The following SKAP1 variants were observed in gnomAD, a reference collection of about 807,000 sequenced individuals.
The protein encoded by SKAP1 is src kinase associated phosphoprotein 1.
SKAP1 carries 44 observed loss-of-function variants against 58.5 expected under a neutral mutation model. The observed-to-expected ratio is 0.75, with a 90% CI of 0.59 to 0.97. The LOEUF is 0.97. SKAP1 is among the 50% of genes least tolerant of loss of function. The pLI is 0.00. For missense variants in SKAP1, 390 were observed against 435.2 expected, an observed-to-expected ratio of 0.90 and a Z score of 0.92; for synonymous variants, 127 against 149.7, an observed-to-expected ratio of 0.85 and a Z score of 1.11.
intron 4 of SKAP1, among the ~76,000 whole-genome samples, chr17:48,280,817 G>T (rs2065757673): frequency 6.6e-6 from 1 of 152,018 alleles, no homozygotes; most frequent in South Asian, 2.1e-4. Context: ...AAACCTTTAA[G>T]ATTCATCCAT....
chr17:48,420,371 T>G (rs2067779114), intron 1 of SKAP1, among the ~76,000 whole-genome samples: 2 of 152,148 alleles, frequency 1.3e-5, no homozygotes, highest in Non-Finnish European at 1.5e-5. Context: ...GAACTGTCAT[T>G]GTTTGGGAAA....
intron 4 of SKAP1, among the ~76,000 whole-genome samples, chr17:48,213,198 C>T (rs532776966): frequency 6.6e-6 from 1 of 151,880 alleles, no homozygotes; most frequent in Non-Finnish European, 1.5e-5. Context: ...AAAAATTAGC[C>T]GGGTGTGGTG....
intron 4 of SKAP1, among the ~76,000 whole-genome samples, chr17:48,252,201 A>G (rs1043606542): frequency 1.3e-5 from 2 of 151,436 alleles, no homozygotes; most frequent in African/African-American, 4.8e-5. Flanking sequence ...TTGAGTAAAT[A>G]ATATATGTAA....
At chr17:48,162,635 G>T in intron 10 of SKAP1, 66 bp from the exon 11 acceptor site, 2 of 1,215,154 alleles carry the variant, frequency 1.6e-6, no homozygotes, top group Non-Finnish European at 2.4e-6. Flanking sequence ...CCATGTTTTT[G>T]CTGCAAATGG....
chr17:48,365,570 G>A (rs1312850383), intron 2 of SKAP1, among the ~76,000 whole-genome samples: 7 of 152,004 alleles, frequency 4.6e-5, no homozygotes, highest in Admixed American at 3.3e-4. Context: ...CCTGTTTCCC[G>A]TCACATCACA....
chr17:48,324,580 T>C lies in SKAP1; in HGVS notation c.280+21325A>G, dbSNP rs868443064. Among the ~76,000 whole-genome samples the C allele has an allele frequency of 5.9e-5, 9 of 152,214 alleles. No homozygotes were observed. The East Asian group carries it at 1.2e-3, about 20-fold the overall frequency. On this transcript the variant is annotated intron_variant, in intron 4 of 12. Coordinates refer to ENST00000336915, the MANE Select transcript of SKAP1 (RefSeq NM_003726.4). ...TAATTTTTTCACTTAACAATTAACA[T>C]CTTTCCATAGTCATTATATAAATAT...
chr17:48,353,229 A>C (rs1181376952), intron 3 of SKAP1, among the ~76,000 whole-genome samples: 2 of 152,290 alleles, frequency 1.3e-5, no homozygotes, highest in East Asian at 3.9e-4. Flanking sequence ...GCTTAGTGAA[A>C]TCAATATACT....
At chr17:48,231,159 C>A (rs2065121838) in intron 4 of SKAP1, among the ~76,000 whole-genome samples, 1 of 152,126 alleles carries the variant, frequency 6.6e-6, no homozygotes, top group Non-Finnish European at 1.5e-5. Flanking sequence ...ACCTGGGCAC[C>A]TTAAAGATAC....
chr17:48,153,813 C>T lies in SKAP1; in HGVS notation c.978+8656G>A, dbSNP rs2063934627. 2.0e-5 allele frequency among the ~76,000 whole-genome samples: 3 copies of T among 150,274 alleles called. No individual in the cohort carries two copies. In the South Asian group the frequency reaches 6.3e-4, roughly 32 times the overall value. On this transcript the variant is annotated intron_variant, in intron 11 of 12. Coordinates refer to ENST00000336915, the MANE Select transcript of SKAP1 (RefSeq NM_003726.4). ...CCCCACCCATCCCCCACTCAGCCAA[C>T]CAGAGGGTATGGTGCCTGAGGAAGT... is the stretch of plus-strand genomic sequence containing the variant.
At chr17:48,176,292 T>C (rs918880968) in intron 9 of SKAP1, among the ~76,000 whole-genome samples, 8 of 152,340 alleles carry the variant, frequency 5.3e-5, no homozygotes, top group Non-Finnish European at 1.0e-4. Context: ...CCATTGCAGC[T>C]GCTACAAGGC....
At chr17:48,138,366 G>C (rs1043074947) in intron 11 of SKAP1, among the ~76,000 whole-genome samples, 20 of 150,832 alleles carry the variant, frequency 1.3e-4, no homozygotes, top group Admixed American at 1.3e-4. Context: ...CATCACACCC[G>C]GCTATTTTTT....
At chr17:48,365,020 G>T (rs1377768911) in intron 2 of SKAP1, among the ~76,000 whole-genome samples, 1 of 151,928 alleles carries the variant, frequency 6.6e-6, no homozygotes, top group Non-Finnish European at 1.5e-5. Flanking sequence ...TGTAGCTGGG[G>T]CCACAGGCAC....
intron 4 of SKAP1, among the ~76,000 whole-genome samples, chr17:48,312,757 T>C (rs2144184941): frequency 6.6e-6 from 1 of 152,274 alleles, no homozygotes; most frequent in African/African-American, 2.4e-5. Flanking sequence ...CAAACAACTT[T>C]CTTAGCTGTC....
chr17:48,433,581 A>C (rs1399244861), upstream of SKAP1, among the ~76,000 whole-genome samples: 1 of 152,234 alleles, frequency 6.6e-6, no homozygotes. Flanking sequence ...AAACAACAAA[A>C]GAATGACAAG....
intron 4 of SKAP1, among the ~76,000 whole-genome samples, chr17:48,237,646 C>A (rs2065196019): frequency 6.6e-6 from 1 of 152,136 alleles, no homozygotes; most frequent in African/African-American, 2.4e-5. Flanking sequence ...GGGAGATTAA[C>A]TGGAAGATGA....
intron 4 of SKAP1, among the ~76,000 whole-genome samples, chr17:48,296,847 GA>G (rs958256221): frequency 2.3e-4 from 33 of 146,222 alleles, no homozygotes; most frequent in African/African-American, 2.5e-4. Flanking sequence ...CTTTAATTAG[GA>G]AAAAAAAAAG....
At chr17:48,199,794 G>T (rs1334681203) in intron 4 of SKAP1, among the ~76,000 whole-genome samples, 3 of 152,114 alleles carry the variant, frequency 2.0e-5, no homozygotes, top group African/African-American at 7.2e-5. Flanking sequence ...CAATAGGGAG[G>T]AGGGTAAAAA....
intron 4 of SKAP1, among the ~76,000 whole-genome samples, chr17:48,288,188 C>T (rs1030309495): frequency 7.2e-5 from 11 of 152,074 alleles, no homozygotes; most frequent in African/African-American, 2.2e-4. Context: ...TTAATGAAGG[C>T]GTGTTCTGAT....
chr17:48,218,591 G>A (rs917589156), intron 4 of SKAP1, among the ~76,000 whole-genome samples: 2 of 152,166 alleles, frequency 1.3e-5, no homozygotes, highest in African/African-American at 4.8e-5. Context: ...TCCACTCAAC[G>A]AAGAGCTTGT....
Sources: allele counts gnomAD v4.1 joint callset (sites outside exome capture counted in the v4.1 genomes callset), GRCh38; gene constraint gnomAD v4.1.1; transcripts MANE v1.5; gene names NCBI Gene and HGNC (gene_info 2026-07-23, HGNC 2026-07-21).